Variants in LARP1B observed in about 807,000 individuals in gnomAD.
LARP1B encodes La ribonucleoprotein 1B, also known as la-related protein 1B.
A neutral mutation model predicts 114.2 loss-of-function variants in LARP1B; 76 were observed. The observed-to-expected ratio is 0.67, with a 90% CI of 0.55 to 0.81. LARP1B has a LOEUF of 0.81. Among genes scored for constraint, LARP1B ranks in the 30% least tolerant of loss-of-function variants. The probability of loss-of-function intolerance (pLI) is 0.00; values close to 1 mark genes in which losing one functional copy is unlikely to be tolerated. For synonymous variants in LARP1B, 345 were observed against 348.0 expected (o/e 0.99, Z 0.10); for missense variants, 1,014 against 1,075.8 (o/e 0.94, Z 0.80).
At chr4:128,164,586 T>C (rs1739898991) in intron 12 of LARP1B, among the ~76,000 whole-genome samples, 1 of 152,066 alleles carries the variant, frequency 6.6e-6, no homozygotes, top group Non-Finnish European at 1.5e-5. Context: ...CCAATAAATA[T>C]GAAAAGAGGC....
At chr4:128,132,401 C>T (rs927317378) in intron 11 of LARP1B, among the ~76,000 whole-genome samples, 14 of 151,972 alleles carry the variant, frequency 9.2e-5, no homozygotes, top group Admixed American at 2.6e-4. Context: ...CGCCCCACCA[C>T]GCTTGGCTAA....
At chr4:128,098,397 T>A in intron 8 of LARP1B, 67 bp downstream of exon 8, 1 of 1,363,458 alleles carries the variant, frequency 7.3e-7, no homozygotes, top group Non-Finnish European at 1.0e-6. Context: ...AAAACTTCTC[T>A]GAAAAACAGA....
chr4:128,092,572 G>T (rs541279743), intron 7 of LARP1B, among the ~76,000 whole-genome samples: 3 of 152,128 alleles, frequency 2.0e-5, no homozygotes, highest in Non-Finnish European at 4.4e-5. Flanking sequence ...CTCCTTACAA[G>T]GTGAAGGAAA....
At chr4:128,062,592 C>CTTTTT (rs10659836) in intron 1 of LARP1B, among the ~76,000 whole-genome samples, 3,734 of 128,152 alleles carry the variant, frequency 0.029, 145 homozygotes, top group East Asian at 0.091. Context: ...TTTTGGTAGA[C>CTTTTT]TTTTTTTTTT....
intron 10 of LARP1B, 62 bp from the exon 11 acceptor site, chr4:128,121,764 A>G: frequency 8.3e-7 from 1 of 1,206,580 alleles, no homozygotes; most frequent in Non-Finnish European, 1.1e-6. Context: ...ACACTGTTTT[A>G]TGACATTTAA....
chr4:128,169,065 T>C (rs1742377974), intron 12 of LARP1B, among the ~76,000 whole-genome samples: 1 of 152,172 alleles, frequency 6.6e-6, no homozygotes, highest in African/African-American at 2.4e-5. Context: ...ATTTATAATA[T>C]GCTCTTTTTC....
At chr4:128,162,361 G>C (rs770712225) in intron 12 of LARP1B, 44 bp downstream of exon 12, 1 of 1,549,626 alleles carries the variant, frequency 6.5e-7, no homozygotes, top group Non-Finnish European at 8.7e-7. Flanking sequence ...TAGTATTAAA[G>C]CAGTTCTGAA....
At chr4:128,073,582 T>G (rs975171914) in intron 1 of LARP1B, among the ~76,000 whole-genome samples, 3 of 22,374 alleles carry the variant, frequency 1.3e-4, no homozygotes, top group South Asian at 2.5e-3. Flanking sequence ...GTTTTTTTTT[T>G]TTTTTTTTTT....
At chr4:128,161,154 C>CT (rs1561453208) in intron 11 of LARP1B, among the ~76,000 whole-genome samples, 1 of 152,094 alleles carries the variant, frequency 6.6e-6, no homozygotes, top group African/African-American at 2.4e-5. Context: ...CCTCAAACTC[C>CT]TTTTTTATCT....
At chr4:128,108,521 A>G (rs1782859223) in intron 9 of LARP1B, 1 of 985,500 alleles carries the variant, frequency 1.0e-6, no homozygotes, top group African/African-American at 1.7e-5. Flanking sequence ...TCCCATCAAC[A>G]AAGCATCGAT....
chr4:128,183,785 A>C (rs1355161958), intron 15 of LARP1B, among the ~76,000 whole-genome samples: 1 of 152,366 alleles, frequency 6.6e-6, no homozygotes, highest in East Asian at 1.9e-4. Flanking sequence ...ACCATTCTAC[A>C]TGCCATTAAG....
Position 128,092,974 on chromosome 4 carries a change from G to T in LARP1B, c.668+1462G>T, listed in dbSNP as rs546622694. On this transcript the variant is annotated intron_variant, in intron 7 of 19. Coordinates refer to ENST00000326639, the MANE Select transcript of LARP1B (RefSeq NM_018078.4). ...CTCATACAAGTGAGGGAGGAGCAGA[G>T]CTACTTCAGTGTTGACAAAATTTCT... The T allele has an allele frequency of 1.5e-4, 149 of 985,428 alleles. 1 individual carries two copies. The South Asian group carries it at 4.9e-3, about 33-fold the overall frequency. 61.0% of individuals were successfully genotyped at this position (985,428 alleles called of 1,614,324 possible).
At chr4:128,083,807 C>G (rs1159436848) in intron 5 of LARP1B, among the ~76,000 whole-genome samples, 1 of 151,194 alleles carries the variant, frequency 6.6e-6, no homozygotes, top group Non-Finnish European at 1.5e-5. Context: ...GGGCTGACCC[C>G]CCCACCTCCC....
intron 11 of LARP1B, among the ~76,000 whole-genome samples, chr4:128,145,269 T>C (rs1479164584): frequency 1.3e-5 from 2 of 152,174 alleles, no homozygotes; most frequent in Non-Finnish European, 2.9e-5. Context: ...GAGTAGGTCT[T>C]ATTCTCTAGA....
intron 11 of LARP1B, among the ~76,000 whole-genome samples, chr4:128,155,210 G>A (rs964807370): frequency 6.6e-6 from 1 of 152,220 alleles, no homozygotes; most frequent in African/African-American, 2.4e-5. Flanking sequence ...GCATCCAGTT[G>A]TGGTAGACTG....
At chr4:128,208,303 AG>A (rs1758120952) in intron 19 of LARP1B, among the ~76,000 whole-genome samples, 1 of 150,626 alleles carries the variant, frequency 6.6e-6, no homozygotes, top group African/African-American at 2.4e-5. Flanking sequence ...ACTCCAGCCT[AG>A]GCAACAGAAT....
At chr4:128,107,884 C>G (rs1309566004) in intron 9 of LARP1B, 4 of 1,535,760 alleles carry the variant, frequency 2.6e-6, no homozygotes, top group Non-Finnish European at 3.5e-6. Context: ...TTTTTTCAGT[C>G]AGGGTGATGA....
At chr4:128,153,738 C>T (rs2150347748) in intron 11 of LARP1B, among the ~76,000 whole-genome samples, 1 of 152,272 alleles carries the variant, frequency 6.6e-6, no homozygotes, top group South Asian at 2.1e-4. Context: ...ATGCTAATGA[C>T]TCCCTTGTGT....
At chr4:128,176,267 A>ATG (rs1491498521) in intron 12 of LARP1B, among the ~76,000 whole-genome samples, 2 of 108,624 alleles carry the variant, frequency 1.8e-5, no homozygotes, top group Non-Finnish European at 3.5e-5. Context: ...ATATATACAC[A>ATG]TATGTGTGTG....
Sources: gnomAD v4.1 joint callset for allele counts (sites outside exome capture counted in the v4.1 genomes callset) on GRCh38, gnomAD v4.1.1 for gene constraint, MANE v1.5 for transcripts, NCBI Gene and HGNC (gene_info 2026-07-23, HGNC 2026-07-21) for gene names.